ADAMTS6: variants seen among roughly 807,000 people sequenced by gnomAD.
ADAMTS6 encodes A disintegrin and metalloproteinase with thrombospondin motifs 6.
ADAMTS6 carries 23 observed loss-of-function variants against 144.3 expected under a neutral mutation model. The ratio of observed to expected loss-of-function variants is 0.16; its 90% confidence interval spans 0.11 to 0.23. The LOEUF is 0.23. ADAMTS6 is among the 10% of genes least tolerant of loss of function. The pLI, the probability that ADAMTS6 is intolerant of heterozygous loss-of-function variation, is 1.00. For synonymous variants in ADAMTS6, 444 were observed against 457.5 expected (o/e 0.97, Z 0.38); for missense variants, 999 against 1,379.6 (o/e 0.72, Z 4.37).
chr5:65,461,110 T>G (rs1759613312), intron 3 of ADAMTS6, among the ~76,000 whole-genome samples: 1 of 152,362 alleles, frequency 6.6e-6, no homozygotes, highest in Admixed American at 6.5e-5. Flanking sequence ...TACAGTATTA[T>G]ATCACCTTAT....
intron 8 of ADAMTS6, among the ~76,000 whole-genome samples, chr5:65,332,173 C>A (rs1387698038): frequency 6.6e-6 from 1 of 150,952 alleles, no homozygotes; most frequent in Non-Finnish European, 1.5e-5. Flanking sequence ...GTGTGTCTTA[C>A]CAATGTCATT....
At chr5:65,322,486 T>G (rs1033764577) in intron 9 of ADAMTS6, among the ~76,000 whole-genome samples, 1 of 152,160 alleles carries the variant, frequency 6.6e-6, no homozygotes, top group Non-Finnish European at 1.5e-5. Flanking sequence ...TTGTTATTGA[T>G]TCTTCCTATC....
intron 9 of ADAMTS6, among the ~76,000 whole-genome samples, chr5:65,301,958 G>A (rs1379717006): frequency 6.6e-6 from 1 of 150,938 alleles, no homozygotes; most frequent in East Asian, 1.9e-4. Context: ...CGGGGGTGGT[G>A]GTGTGCTCCT....
chr5:65,320,087 C>A (rs1408372270), intron 9 of ADAMTS6, among the ~76,000 whole-genome samples: 1 of 152,184 alleles, frequency 6.6e-6, no homozygotes, highest in African/African-American at 2.4e-5. Flanking sequence ...AGGAGATCCA[C>A]CTGCCTCAGC....
chr5:65,209,479 A>G (rs922433705), intron 20 of ADAMTS6, among the ~76,000 whole-genome samples: 4 of 152,176 alleles, frequency 2.6e-5, no homozygotes, highest in African/African-American at 9.7e-5. Flanking sequence ...GTTCCTTATG[A>G]GGCAAAGGAA....
intron 12 of ADAMTS6, among the ~76,000 whole-genome samples, chr5:65,271,531 AT>A (rs1252484927): frequency 2.0e-5 from 3 of 152,166 alleles, no homozygotes; most frequent in African/African-American, 7.2e-5. Context: ...TCTATCATAT[AT>A]ACGCACATAT....
At chr5:65,171,059 G>C (rs890369929) in intron 23 of ADAMTS6, among the ~76,000 whole-genome samples, 4 of 151,536 alleles carry the variant, frequency 2.6e-5, no homozygotes, top group Admixed American at 2.6e-4. Flanking sequence ...GCTCAGGCTG[G>C]AGTGCAGTGG....
Position 65,460,199 on chromosome 5 carries a change from A to G in ADAMTS6, c.602T>C (p.Leu201Pro), listed in dbSNP as rs866032919. 1.2e-6 allele frequency: 2 copies of G among 1,614,082 alleles called. No individual in the cohort carries two copies. The highest frequency in any genetic ancestry group is 3.3e-5 in the Admixed American group (2 of 60,016). ...YKKSALQQRH[L>P]YDHSHCGVSD... ...AACCCCACAATGAGAGTGATCATAC[A>G]GATGTCGTTGTTGAAGGGCAGACTT... is the stretch of plus-strand genomic sequence containing the variant. The change falls in exon 4 of 25, where the codon CTG becomes CCG. Residue 201 changes from leucine to proline, a missense_variant. Coordinates refer to ENST00000381055, the MANE Select transcript of ADAMTS6 (RefSeq NM_197941.4).
chr5:65,396,226 A>C (rs1753320844), intron 7 of ADAMTS6, among the ~76,000 whole-genome samples: 2 of 152,240 alleles, frequency 1.3e-5, no homozygotes, highest in African/African-American at 4.8e-5. Context: ...GAGAAATTGA[A>C]TAAATAGTCC....
chr5:65,303,251 G>T (rs991696712), intron 9 of ADAMTS6, among the ~76,000 whole-genome samples: 1 of 152,074 alleles, frequency 6.6e-6, no homozygotes, highest in African/African-American at 2.4e-5. Context: ...GGAGTTCAAA[G>T]AGTTGAGTGG....
In ADAMTS6 at chr5:65,226,222, G is replaced by A. The variant is rs1363515623; in HGVS notation, c.1934-3C>T. The A allele has an allele frequency of 6.2e-7, 1 of 1,612,194 alleles. No homozygotes were observed. Among genetic ancestry groups the A allele is most frequent in the South Asian group, 1.1e-5 (1 of 90,750 alleles). On this transcript the variant is annotated splice_polypyrimidine_tract_variant and splice_region_variant and intron_variant, in intron 15 of 24. Transcript: ENST00000381055. ...TAATGCACAAGGTTTTACCCCACCT[G>A]GACAAATACAGTAGAAGAGAAATAA...
At chr5:65,400,546 A>G (rs1753833677) in intron 7 of ADAMTS6, among the ~76,000 whole-genome samples, 1 of 152,148 alleles carries the variant, frequency 6.6e-6, no homozygotes, top group South Asian at 2.1e-4. Flanking sequence ...ATTTTCTGTA[A>G]TTTAAAAGCG....
intron 22 of ADAMTS6, among the ~76,000 whole-genome samples, chr5:65,179,107 C>T (rs1009950805): frequency 6.6e-6 from 1 of 152,208 alleles, no homozygotes; most frequent in Admixed American, 6.5e-5. Flanking sequence ...CATGAGAAAA[C>T]TCATCACGGG....
At chr5:65,462,328 G>A (rs904439380) in intron 3 of ADAMTS6, among the ~76,000 whole-genome samples, 1 of 152,160 alleles carries the variant, frequency 6.6e-6, no homozygotes. Context: ...GTGGGCACAA[G>A]AAAATTGAAA....
At chr5:65,458,752 AC>A (rs1759418932) in intron 4 of ADAMTS6, among the ~76,000 whole-genome samples, 3 of 152,124 alleles carry the variant, frequency 2.0e-5, no homozygotes, top group Admixed American at 6.5e-5. Context: ...TGGTGACTTT[AC>A]CTTTGCATTA....
In ADAMTS6 at chr5:65,312,551, A is replaced by G. The variant is rs1486347035; in HGVS notation, c.1224-12420T>C. On this transcript the variant is annotated intron_variant, in intron 9 of 24. Transcript: ENST00000381055. ...ATTTAATTCTACTTTTGAACTTTAT[A>G]TGCAATCTACTTTAAAAAGTGAATT... 4.1e-4 allele frequency among the ~76,000 whole-genome samples: 62 copies of G among 152,064 alleles called. 2 individuals carry two copies. The highest frequency in any genetic ancestry group is 4.1e-3 in the Admixed American group (62 of 15,272).
intron 7 of ADAMTS6, among the ~76,000 whole-genome samples, chr5:65,344,990 T>C (rs1580450195): frequency 1.3e-5 from 2 of 151,862 alleles, no homozygotes; most frequent in East Asian, 3.8e-4. Context: ...TTTTCTTACA[T>C]ATCTCTCATC....
At chr5:65,213,322 T>C (rs1309840837) in intron 20 of ADAMTS6, among the ~76,000 whole-genome samples, 1 of 152,196 alleles carries the variant, frequency 6.6e-6, no homozygotes, top group Admixed American at 6.5e-5. Context: ...TAGTTAATCA[T>C]TGCTTTAATT....
chr5:65,191,550 T>G (rs193281494), intron 21 of ADAMTS6, among the ~76,000 whole-genome samples: 208 of 152,116 alleles, frequency 1.4e-3, no homozygotes, highest in Middle Eastern at 0.01. Context: ...ATAGCAAAAT[T>G]GTAAAAATCT....
Sources: allele counts gnomAD v4.1 joint callset (sites outside exome capture counted in the v4.1 genomes callset), GRCh38; gene constraint gnomAD v4.1.1; transcripts MANE v1.5; gene names NCBI Gene and HGNC (gene_info 2026-07-23, HGNC 2026-07-21).